PAG1: variants seen among roughly 807,000 people sequenced by gnomAD.
PAG1 encodes phosphoprotein membrane anchor with glycosphingolipid microdomains 1, also known as phosphoprotein associated with glycosphingolipid-enriched microdomains 1.
PAG1 carries 23 observed loss-of-function variants against 31.7 expected under a neutral mutation model. The ratio of observed to expected loss-of-function variants is 0.73; its 90% CI spans 0.52 to 1.03. PAG1 has a LOEUF of 1.03. Among genes scored for constraint, PAG1 ranks in the 50% least tolerant of loss-of-function variants. The pLI, the probability that PAG1 is intolerant of heterozygous loss-of-function variation, is 0.00. For missense variants in PAG1, 473 were observed against 540.7 expected (o/e 0.87, Z 1.24); for synonymous variants, 214 against 210.3 (o/e 1.02, Z -0.15).
At chr8:81,087,127 G>T (rs542199484) in intron 1 of PAG1, among the ~76,000 whole-genome samples, 1 of 152,194 alleles carries the variant, frequency 6.6e-6, no homozygotes, top group Non-Finnish European at 1.5e-5. Flanking sequence ...GGCGGATCCC[G>T]AGGTCAGGAG....
intron 8 of PAG1, among the ~76,000 whole-genome samples, chr8:80,978,365 A>G (rs1807226553): frequency 6.6e-6 from 1 of 152,234 alleles, no homozygotes; most frequent in South Asian, 2.1e-4. Context: ...ACTGCTGTTT[A>G]TAAGGAAGTG....
chr8:81,075,545 G>A (rs573407531), intron 1 of PAG1, among the ~76,000 whole-genome samples: 11 of 152,194 alleles, frequency 7.2e-5, no homozygotes, highest in Non-Finnish European at 1.5e-4. Context: ...TAATAATCAA[G>A]TACTATTTGC....
chr8:80,988,451 T>C (rs960542358), intron 5 of PAG1, among the ~76,000 whole-genome samples: 1 of 152,102 alleles, frequency 6.6e-6, no homozygotes, highest in African/African-American at 2.4e-5. Context: ...CTCTGCAAAC[T>C]TTTTATTTAT....
At chr8:81,110,899 G>A (rs1809763078) in intron 1 of PAG1, among the ~76,000 whole-genome samples, 1 of 152,252 alleles carries the variant, frequency 6.6e-6, no homozygotes, top group Non-Finnish European at 1.5e-5. Flanking sequence ...CACAGCTGCA[G>A]CCACTGCAGA....
intron 3 of PAG1, among the ~76,000 whole-genome samples, chr8:81,024,349 C>G (rs1382805980): frequency 6.6e-6 from 1 of 152,070 alleles, no homozygotes; most frequent in East Asian, 1.9e-4. Context: ...TGAGGATGCA[C>G]AAAGGAGGCC....
chr8:80,987,505 T>C (rs1295004041), intron 5 of PAG1, 39 bp from the exon 6 acceptor site: 2 of 1,378,948 alleles, frequency 1.5e-6, no homozygotes, highest in African/African-American at 1.4e-5. Flanking sequence ...ATGCATCACA[T>C]TGCTAAGAAT....
chr8:80,973,263 G>T lies in PAG1; in HGVS notation c.*3281C>A, dbSNP rs1807114438. On this transcript the variant is annotated 3_prime_UTR_variant, in exon 9 of 9. Coordinates refer to ENST00000220597, the MANE Select transcript of PAG1 (RefSeq NM_018440.4). Reference sequence around the variant, plus strand: ...AGAATTACTTTCTTATGGAATTTAAGATTTCCTCAAATATTTTCTTTTCTA... The same window carrying T: ...AGAATTACTTTCTTATGGAATTTAATATTTCCTCAAATATTTTCTTTTCTA... 1 of 152,028 alleles carries T rather than the reference G, an allele frequency of 6.6e-6. No homozygotes were observed. The highest frequency in any genetic ancestry group is 1.5e-5 in the Non-Finnish European group (1 of 68,012). The allele number at this position is 152,028 out of a possible 1,614,324, so 9.4% of individuals were successfully genotyped here. A position where few individuals can be genotyped will look rare whatever the true frequency, so the allele number is the denominator to read the frequency against.
chr8:81,082,121 C>T lies in PAG1; in HGVS notation c.-233-11951G>A, dbSNP rs577984881. 8.6e-5 allele frequency among the ~76,000 whole-genome samples: 13 copies of T among 151,862 alleles called. No homozygotes were observed. In the South Asian group the frequency reaches 2.7e-3, roughly 32 times the overall value. ...TACAAAAATCAGCCAGGCATGGTGGCACACACCTGTAGTCCCAGCTACTCG... is the reference window on the plus strand; with the variant it reads ...TACAAAAATCAGCCAGGCATGGTGGTACACACCTGTAGTCCCAGCTACTCG... On this transcript the variant is annotated intron_variant, in intron 1 of 8. Transcript: ENST00000220597.
At chr8:81,075,233 G>C (rs1349287385) in intron 1 of PAG1, among the ~76,000 whole-genome samples, 1 of 152,184 alleles carries the variant, frequency 6.6e-6, no homozygotes, top group Non-Finnish European at 1.5e-5. Flanking sequence ...TTAGCTTCCT[G>C]CTATATAATA....
intron 1 of PAG1, among the ~76,000 whole-genome samples, chr8:81,078,694 G>A (rs1216988777): frequency 4.6e-5 from 7 of 152,068 alleles, no homozygotes; most frequent in African/African-American, 9.7e-5. Context: ...TGTAGGTACC[G>A]AATAAAAAGA....
At chr8:81,011,497 T>A (rs1807984258) in intron 3 of PAG1, among the ~76,000 whole-genome samples, 1 of 147,866 alleles carries the variant, frequency 6.8e-6, no homozygotes, top group South Asian at 2.1e-4. Context: ...TCCATTAAAC[T>A]TTTTTTTTTA....
At chr8:81,064,433 G>A (rs73279958) in intron 2 of PAG1, among the ~76,000 whole-genome samples, 2,713 of 152,280 alleles carry the variant, frequency 0.018, 81 homozygotes, top group African/African-American at 0.06. Flanking sequence ...ACAGGGTCAA[G>A]GAGGATGACT....
chr8:81,068,507 C>A (rs372558493), intron 2 of PAG1, among the ~76,000 whole-genome samples: 1 of 151,768 alleles, frequency 6.6e-6, no homozygotes, highest in African/African-American at 2.4e-5. Context: ...TTTAATGTGG[C>A]GAAAATAACA....
At chr8:81,007,488 G>C (rs1290772277) in intron 3 of PAG1, among the ~76,000 whole-genome samples, 27 of 146,010 alleles carry the variant, frequency 1.8e-4, no homozygotes, top group African/African-American at 6.9e-4. Context: ...AAAAAAAATA[G>C]TAGACGGGTG....
At chr8:81,013,248 A>G (rs1808014993) in intron 3 of PAG1, among the ~76,000 whole-genome samples, 1 of 152,186 alleles carries the variant, frequency 6.6e-6, no homozygotes, top group African/African-American at 2.4e-5. Context: ...GCTGCATATT[A>G]TCTTCCTGGA....
intron 3 of PAG1, among the ~76,000 whole-genome samples, chr8:81,029,429 C>T (rs1462432269): frequency 6.6e-6 from 1 of 151,658 alleles, no homozygotes; most frequent in Non-Finnish European, 1.5e-5. Flanking sequence ...ATTTCCAAAA[C>T]AAGAACTTCA....
At chr8:81,054,019 T>C (rs768726453) in intron 2 of PAG1, among the ~76,000 whole-genome samples, 1 of 152,154 alleles carries the variant, frequency 6.6e-6, no homozygotes, top group Non-Finnish European at 1.5e-5. Flanking sequence ...AGTGTGCCTG[T>C]GTTCCAATAA....
At chr8:81,021,324 ATTATTAACAAC>A (rs2130735844) in intron 3 of PAG1, among the ~76,000 whole-genome samples, 2 of 152,148 alleles carry the variant, frequency 1.3e-5, no homozygotes, top group South Asian at 4.2e-4. Flanking sequence ...TTTCTAGTCT[ATTATTAACAAC>A]TTACGTCAGC....
In PAG1 at chr8:81,059,735, G is replaced by T. The variant is rs1052259855; in HGVS notation, c.-175+10377C>A. 2.0e-5 allele frequency among the ~76,000 whole-genome samples: 3 copies of T among 152,114 alleles called. No individual in the cohort carries two copies. The East Asian group carries it at 5.8e-4, about 29-fold the overall frequency. On this transcript the variant is annotated intron_variant, in intron 2 of 8. Coordinates refer to ENST00000220597, the MANE Select transcript of PAG1 (RefSeq NM_018440.4). ...CACTTATCTTGCTTTAAAAGCCTAC[G>T]TATTTTGGGGCTGGGTGTTGTGGCT...
Sources: gnomAD v4.1 joint callset for allele counts (sites outside exome capture counted in the v4.1 genomes callset) on GRCh38, gnomAD v4.1.1 for gene constraint, MANE v1.5 for transcripts, NCBI Gene and HGNC (gene_info 2026-07-23, HGNC 2026-07-21) for gene names.